Variants in F13A1 observed in about 807,000 individuals in gnomAD.
The protein encoded by F13A1 is FSF, A subunit.
A neutral mutation model predicts 80.1 loss-of-function variants in F13A1; 47 were observed. That is an observed-to-expected ratio of 0.59 (90% CI 0.46 to 0.75). The LOEUF is 0.75. F13A1 is among the 30% of genes least tolerant of loss of function. The pLI is 0.00. For synonymous variants in F13A1, 349 were observed against 344.9 expected (o/e 1.01, Z -0.13); for missense variants, 817 against 930.4 (o/e 0.88, Z 1.59).
chr6:6,277,809 C>T (rs1322280178), intron 3 of F13A1, among the ~76,000 whole-genome samples: 3 of 152,252 alleles, frequency 2.0e-5, no homozygotes, highest in African/African-American at 7.2e-5. Context: ...ATGGGTCACA[C>T]ATAACATGCA....
At chr6:6,276,967 T>C (rs1041575540) in intron 3 of F13A1, among the ~76,000 whole-genome samples, 1 of 152,182 alleles carries the variant, frequency 6.6e-6, no homozygotes, top group Non-Finnish European at 1.5e-5. Flanking sequence ...GACTCTTTCT[T>C]GGCTAAGGGG....
At chr6:6,276,930 C>T (rs1338314936) in intron 3 of F13A1, among the ~76,000 whole-genome samples, 2 of 151,808 alleles carry the variant, frequency 1.3e-5, no homozygotes, top group Non-Finnish European at 1.5e-5. Flanking sequence ...AAATCTTATC[C>T]CCACCCCACT....
Position 6,227,337 on chromosome 6 carries a change from T to G in F13A1, c.799-2477A>C, listed in dbSNP as rs533295321. On this transcript the variant is annotated intron_variant, in intron 6 of 14. Transcript: ENST00000264870. ...AAGAAGAACTTTATGAACCACACAG[T>G]TAATTTGTTCAATGTAGGAAAAAAT... Among the ~76,000 whole-genome samples, 14 of 152,350 alleles carry G rather than the reference T, an allele frequency of 9.2e-5. No homozygotes were observed. The Middle Eastern group carries it at 0.01, about 111-fold the overall frequency.
chr6:6,240,421 G>A (rs1303578035), intron 6 of F13A1, among the ~76,000 whole-genome samples: 1 of 152,042 alleles, frequency 6.6e-6, no homozygotes, highest in Non-Finnish European at 1.5e-5. Flanking sequence ...ACATGTAAAA[G>A]GCATTATATC....
At chr6:6,262,604 A>C (rs1316450479) in intron 4 of F13A1, among the ~76,000 whole-genome samples, 6 of 150,348 alleles carry the variant, frequency 4.0e-5, no homozygotes, top group Middle Eastern at 3.5e-3. Flanking sequence ...TAATAAGTTC[A>C]CCTTCTACCC....
At position 6,182,096 on chromosome 6, in the gene F13A1, G is replaced by A; in HGVS notation, c.1351C>T (p.His451Tyr). ...IYITAKKDGT[H>Y]VVENVDATHI... ...GTGGCATCCACATTTTCCACCACAT[G>A]AGTGCCATCTTTCTTAGCTGTAATG... The change falls in exon 11 of 15, where the codon CAT (histidine) becomes TAT (tyrosine). Residue 451 changes from histidine (H) to tyrosine (Y), a missense_variant. By Grantham distance (83) the His-to-Tyr change is moderately conservative (BLOSUM62 2). Transcript: ENST00000264870. 6.2e-7 allele frequency: 1 copy of A among 1,614,158 alleles called. No individual in the cohort carries two copies. The highest frequency in any genetic ancestry group is 8.5e-7 in the Non-Finnish European group (1 of 1,180,012).
chr6:6,224,093 G>A (rs1335685351), intron 7 of F13A1, among the ~76,000 whole-genome samples: 2 of 152,164 alleles, frequency 1.3e-5, no homozygotes, highest in East Asian at 3.8e-4. Context: ...TGGATGTTGG[G>A]TGGATTAAAA....
intron 8 of F13A1, among the ~76,000 whole-genome samples, chr6:6,213,621 T>TAACG (rs1761663854): frequency 6.8e-6 from 1 of 147,344 alleles, no homozygotes; most frequent in Non-Finnish European, 1.5e-5. Context: ...CTGCATCAAC[T>TAACG]AACGAGCAAA....
intron 3 of F13A1, among the ~76,000 whole-genome samples, chr6:6,299,156 A>G (rs1758380802): frequency 7.1e-6 from 1 of 140,296 alleles, no homozygotes; most frequent in Non-Finnish European, 1.5e-5. Context: ...GGGTAACCCA[A>G]CCTTTCTCTC....
At chr6:6,204,188 C>G (rs996513549) in intron 8 of F13A1, among the ~76,000 whole-genome samples, 4 of 152,192 alleles carry the variant, frequency 2.6e-5, no homozygotes, top group Non-Finnish European at 4.4e-5. Context: ...TAACTAACTG[C>G]TTAAACAGTC....
In F13A1 at chr6:6,306,265, A is replaced by T. The variant is rs201848726; in HGVS notation, c.131-726T>A. Among the ~76,000 whole-genome samples the T allele has an allele frequency of 5.3e-5, 8 of 152,364 alleles. No individual in the cohort carries two copies. The South Asian group carries it at 8.3e-4, about 16-fold the overall frequency. ...CAAAAGTCAAAACCTGGACTGTCTG[A>T]TGCCAACATTCACAGGTTTTTCTTT... is the stretch of plus-strand genomic sequence containing the variant. On this transcript the variant is annotated intron_variant, in intron 2 of 14. Transcript: ENST00000264870.
At chr6:6,276,654 C>T (rs948649435) in intron 3 of F13A1, among the ~76,000 whole-genome samples, 1 of 137,660 alleles carries the variant, frequency 7.3e-6, no homozygotes, top group Non-Finnish European at 1.6e-5. Context: ...ATCATTTGAA[C>T]CCAGGTCGGC....
At chr6:6,187,286 C>T (rs1761096085) in intron 10 of F13A1, among the ~76,000 whole-genome samples, 1 of 99,050 alleles carries the variant, frequency 1.0e-5, no homozygotes, top group Non-Finnish European at 2.0e-5. Flanking sequence ...GAGAGGGCAT[C>T]CCTGTCTTGT....
intron 12 of F13A1, among the ~76,000 whole-genome samples, chr6:6,170,116 G>A (rs1359633194): frequency 6.6e-6 from 1 of 152,194 alleles, no homozygotes; most frequent in Non-Finnish European, 1.5e-5. Context: ...AGTTTATCGT[G>A]TCTCTAGATA....
chr6:6,185,689 C>T (rs1352122918), intron 10 of F13A1, among the ~76,000 whole-genome samples: 1 of 152,036 alleles, frequency 6.6e-6, no homozygotes, highest in African/African-American at 2.4e-5. Flanking sequence ...CATATGTGTG[C>T]ATGTGTCTTT....
intron 8 of F13A1, among the ~76,000 whole-genome samples, chr6:6,200,549 TAA>T (rs60759542): frequency 2.2e-4 from 23 of 105,134 alleles, no homozygotes; most frequent in African/African-American, 3.2e-4. Flanking sequence ...AGACCCTGTC[TAA>T]AAAAAAAAAA....
chr6:6,293,895 A>G (rs1351063970), intron 3 of F13A1, among the ~76,000 whole-genome samples: 1 of 152,080 alleles, frequency 6.6e-6, no homozygotes, highest in Non-Finnish European at 1.5e-5. Flanking sequence ...GAACAGCAAC[A>G]TAGGGAAACT....
chr6:6,316,445 G>T (rs1758687885), intron 2 of F13A1, among the ~76,000 whole-genome samples: 2 of 151,900 alleles, frequency 1.3e-5, no homozygotes, highest in African/African-American at 4.8e-5. Context: ...ACATATGTCT[G>T]CCAAGTAAAT....
At chr6:6,197,855 C>T (rs896562768) in intron 8 of F13A1, among the ~76,000 whole-genome samples, 17 of 152,124 alleles carry the variant, frequency 1.1e-4, no homozygotes, top group African/African-American at 4.1e-4. Context: ...TGTCTCTTTC[C>T]CTCTGCTAAG....
Sources: allele counts gnomAD v4.1 joint callset (sites outside exome capture counted in the v4.1 genomes callset), GRCh38; gene constraint gnomAD v4.1.1; transcripts MANE v1.5; gene names NCBI Gene and HGNC (gene_info 2026-07-23, HGNC 2026-07-21).